The following DCBLD1 variants were observed in gnomAD, a reference collection of about 807,000 sequenced individuals.
DCBLD1 encodes discoidin, CUB and LCCL domain-containing protein 1.
DCBLD1 carries 57 observed loss-of-function variants against 71.5 expected under a neutral mutation model. The ratio of observed to expected loss-of-function variants is 0.80; its 90% CI spans 0.64 to 0.99. DCBLD1 has a LOEUF of 0.99. Among genes scored for constraint, DCBLD1 ranks in the 50% least tolerant of loss-of-function variants. The pLI, the probability that DCBLD1 is intolerant of heterozygous loss-of-function variation, is 0.00. For synonymous variants in DCBLD1, 380 were observed against 363.8 expected, an observed-to-expected ratio of 1.04 and a Z score of -0.51; for missense variants, 891 against 923.5, an observed-to-expected ratio of 0.96 and a Z score of 0.46.
At chr6:117,524,029 G>T (rs936449774) in intron 4 of DCBLD1, among the ~76,000 whole-genome samples, 11 of 152,008 alleles carry the variant, frequency 7.2e-5, no homozygotes, top group African/African-American at 2.7e-4. Flanking sequence ...TAGAGATGAA[G>T]AAACAATCTA....
At chr6:117,532,093 A>G (rs987848307) in intron 5 of DCBLD1, among the ~76,000 whole-genome samples, 167 bp from the exon 6 acceptor site, 1 of 152,240 alleles carries the variant, frequency 6.6e-6, no homozygotes, top group Non-Finnish European at 1.5e-5. Flanking sequence ...AGCAAGTCAC[A>G]TGGTCCAGAG....
At chr6:117,560,666 T>C (rs1048606524) in intron 14 of DCBLD1, 3 of 196,480 alleles carry the variant, frequency 1.5e-5, no homozygotes, top group Non-Finnish European at 3.2e-5. Flanking sequence ...AACAATAGTC[T>C]CACCACCAAA....
intron 14 of DCBLD1, chr6:117,569,543 C>A (rs1779764685): frequency 6.2e-7 from 1 of 1,608,768 alleles, no homozygotes; most frequent in African/African-American, 1.3e-5. Flanking sequence ...ATTGATAGAT[C>A]CAGTTCTAAT....
In DCBLD1 at chr6:117,503,786, A is replaced by G. The variant is rs1777742073; in HGVS notation, c.132A>G (p.Leu44=). 3 of 1,613,952 alleles carry G rather than the reference A, an allele frequency of 1.9e-6. No individual in the cohort carries two copies. The highest frequency in any genetic ancestry group is 2.2e-5 in the South Asian group (2 of 91,072). ...TACCAGGTGATGGCTGTGGACACCT[A>G]GTGACTTATCAGGATAGTGGCACAA... ...AEELGDGCGH[L]VTYQDSGTMT... is the part of the protein sequence containing the mutation. Residue 44 remains leucine (L), a synonymous_variant, in exon 2 of 15, where the codon CTA becomes CTG. Coordinates refer to ENST00000338728, the MANE Select transcript of DCBLD1 (RefSeq NM_001366458.2).
chr6:117,555,366 G>GT (rs916141487), intron 14 of DCBLD1, among the ~76,000 whole-genome samples: 182 of 151,040 alleles, frequency 1.2e-3, no homozygotes, highest in Non-Finnish European at 1.5e-3. Flanking sequence ...AAAAATCAGG[G>GT]TTTTTTTTTG....
rs1287627604 is a variant in DCBLD1 at position 117,547,965 on chromosome 6, C to T, written c.1674C>T (p.Phe558=). 6.4e-7 allele frequency: 1 copy of T among 1,550,634 alleles called. No individual in the cohort carries two copies. Among genetic ancestry groups the T allele is most frequent in the South Asian group, 1.2e-5 (1 of 84,064 alleles). ...TGTVTRKGST[F]RPMDTDAEEA... Reference sequence around the variant, plus strand: ...CAGTCACGAGGAAGGGCTCCACCTTCCGGCCCATGGACACGGATGCCGAGG... The same window carrying T: ...CAGTCACGAGGAAGGGCTCCACCTTTCGGCCCATGGACACGGATGCCGAGG... Residue 558 remains phenylalanine (F), a synonymous_variant, in exon 15 of 15, where the codon TTC becomes TTT. Coordinates refer to ENST00000338728, the MANE Select transcript of DCBLD1 (RefSeq NM_001366458.2).
At chr6:117,543,017 C>T in intron 11 of DCBLD1, 107 bp from the exon 12 acceptor site, 1 of 875,262 alleles carries the variant, frequency 1.1e-6, no homozygotes, top group Non-Finnish European at 1.9e-6. Flanking sequence ...CATTTTCCCC[C>T]TATATTAAAT....
intron 3 of DCBLD1, 47 bp from the exon 4 acceptor site, chr6:117,521,478 T>C: frequency 6.9e-7 from 1 of 1,454,894 alleles, no homozygotes; most frequent in South Asian, 1.2e-5. Context: ...ATGAGTGTCC[T>C]AGTTTTTATT....
At chr6:117,558,945 C>T (rs534811688) in intron 14 of DCBLD1, among the ~76,000 whole-genome samples, 9 of 152,322 alleles carry the variant, frequency 5.9e-5, no homozygotes, top group East Asian at 3.9e-4. Flanking sequence ...AATTGCTGGA[C>T]GCTAGCCAAG....
chr6:117,500,749 C>G (rs1037665594), intron 1 of DCBLD1, among the ~76,000 whole-genome samples: 12 of 151,960 alleles, frequency 7.9e-5, no homozygotes, highest in African/African-American at 2.9e-4. Flanking sequence ...TGTCGTCCCA[C>G]CTACTCGGGA....
intron 6 of DCBLD1, among the ~76,000 whole-genome samples, chr6:117,534,424 A>G (rs948601894): frequency 1.3e-5 from 2 of 152,124 alleles, no homozygotes; most frequent in Non-Finnish European, 2.9e-5. Flanking sequence ...ATTCCTTTTT[A>G]TGTTTTTTGA....
At chr6:117,519,208 G>A (rs1004298694) in intron 2 of DCBLD1, among the ~76,000 whole-genome samples, 2 of 151,934 alleles carry the variant, frequency 1.3e-5, no homozygotes, top group African/African-American at 4.8e-5. Flanking sequence ...AACTTATTTT[G>A]GAAACAATGT....
At chr6:117,545,074 G>A (rs531242918) in intron 13 of DCBLD1, among the ~76,000 whole-genome samples, 2 of 151,492 alleles carry the variant, frequency 1.3e-5, no homozygotes, top group East Asian at 2.0e-4. Flanking sequence ...GGTCCAGAGA[G>A]AGAGGGCAGT....
downstream of DCBLD1, among the ~76,000 whole-genome samples, chr6:117,550,105 G>T (rs146058450): frequency 1.5e-3 from 235 of 152,310 alleles, no homozygotes; most frequent in African/African-American, 5.5e-3. Context: ...CCTTCAGTGG[G>T]CTGTTTACAG....
Position 117,482,683 on chromosome 6 carries a change from C to G in DCBLD1, c.-99C>G, listed in dbSNP as rs1345460481. ...GCAGCGACTGCGCCCCGTCCCGGCG[C>G]CGCGCTCGTCCGCAGAGGAGGCGGC... is the stretch of plus-strand genomic sequence containing the variant. On this transcript the variant is annotated 5_prime_UTR_variant, in exon 1 of 15. Coordinates refer to ENST00000338728, the MANE Select transcript of DCBLD1 (RefSeq NM_001366458.2). 23 of 1,081,826 alleles carry G rather than the reference C, an allele frequency of 2.1e-5. No individual in the cohort carries two copies. Among genetic ancestry groups the G allele is most frequent in the East Asian group, 5.9e-5 (1 of 16,838 alleles). 67.0% of individuals were successfully genotyped at this position (1,081,826 alleles called of 1,614,324 possible).
At position 117,545,558 on chromosome 6, in the gene DCBLD1, A is replaced by T. The variant is rs116943808; in HGVS notation, c.1576A>T (p.Met526Leu). 7.7e-4 allele frequency: 1,245 copies of T among 1,614,150 alleles called. 4 individuals carry two copies. The East Asian group carries it at 0.012, about 15-fold the overall frequency. Residue 526 changes from methionine to leucine, a missense_variant, in exon 14 of 15, where the codon ATG (methionine) becomes TTG (leucine). Met to Leu is a conservative substitution (Grantham distance 15). Transcript: ENST00000338728. ...FTISYDNEKE[M>L]TQKLDLITSD... ...CATCAGCTATGATAATGAGAAGGAG[A>T]TGACACAAAAGTTAGATCTCATCAC...
At chr6:117,569,465 T>C in intron 14 of DCBLD1, 2 of 1,404,584 alleles carry the variant, frequency 1.4e-6, no homozygotes, top group South Asian at 1.4e-5. Flanking sequence ...ACAAGAACTA[T>C]GTGTAAACAC....
chr6:117,486,848 C>T (rs946933216), intron 1 of DCBLD1, among the ~76,000 whole-genome samples: 3 of 152,216 alleles, frequency 2.0e-5, no homozygotes, highest in Admixed American at 6.5e-5. Context: ...GGCCACACAG[C>T]AGGATGTGAG....
chr6:117,482,970 C>CTGG (rs1175033462), intron 1 of DCBLD1, 77 bp downstream of exon 1: 4 of 601,924 alleles, frequency 6.6e-6, no homozygotes, highest in Non-Finnish European at 7.9e-6. Context: ...CGGGCCGGGC[C>CTGG]GGGCCGAGGG....
Sources: gnomAD v4.1 joint callset for allele counts (sites outside exome capture counted in the v4.1 genomes callset) on GRCh38, gnomAD v4.1.1 for gene constraint, MANE v1.5 for transcripts, NCBI Gene and HGNC (gene_info 2026-07-23, HGNC 2026-07-21) for gene names.